CDC23: variants seen among roughly 807,000 people sequenced by gnomAD.
CDC23 encodes the protein cell division cycle 23.
A neutral mutation model predicts 81.7 loss-of-function variants in CDC23; 26 were observed. That is an observed-to-expected ratio of 0.32 (90% CI 0.23 to 0.44). CDC23 has a LOEUF of 0.44. Ranked by LOEUF, CDC23 falls within the 20% of genes least tolerant of loss-of-function variation. The probability of loss-of-function intolerance (pLI) is 1.00; values close to 1 mark genes in which losing one functional copy is unlikely to be tolerated. For synonymous variants in CDC23, 267 were observed against 270.8 expected (o/e 0.99, Z 0.14); for missense variants, 519 against 728.0 (o/e 0.71, Z 3.30).
At chr5:138,196,005 A>G (rs989276560) in intron 9 of CDC23, among the ~76,000 whole-genome samples, 24 of 150,744 alleles carry the variant, frequency 1.6e-4, no homozygotes, top group Non-Finnish European at 3.4e-4. Flanking sequence ...TCAGGTCCTC[A>G]GTTTCCTTTT....
rs1231498178 is a variant in CDC23 at position 138,198,636 on chromosome 5, G to A, written c.801C>T (p.Ser267=). 4.3e-6 allele frequency: 7 copies of A among 1,614,074 alleles called. No homozygotes were observed. The highest frequency in any genetic ancestry group is 5.9e-6 in the Non-Finnish European group (7 of 1,180,008). Residue 267 remains serine, a synonymous_variant, in exon 7 of 16, where the codon TCC becomes TCT. Transcript: ENST00000394886. The part of the protein sequence containing the change: ...VGFSKSSYIV[S]QIAVAYHNIR... Reference sequence around the variant, plus strand: ...TATTGTGATAGGCAACTGCAATTTGGGAAACAATATACGAGCTCTTAGAGA... The same window carrying A: ...TATTGTGATAGGCAACTGCAATTTGAGAAACAATATACGAGCTCTTAGAGA...
At chr5:138,209,363 G>A (rs1755087636) in intron 2 of CDC23, among the ~76,000 whole-genome samples, 1 of 151,682 alleles carries the variant, frequency 6.6e-6, no homozygotes, top group Admixed American at 6.6e-5. Flanking sequence ...GGGAGGTGGA[G>A]GTTGCAGTAA....
At chr5:138,193,992 C>A (rs1443530056) in intron 9 of CDC23, among the ~76,000 whole-genome samples, 1 of 151,828 alleles carries the variant, frequency 6.6e-6, no homozygotes, top group Non-Finnish European at 1.5e-5. Context: ...TCTAAGTTTC[C>A]GTCTCACACA....
rs139756126 is a variant in CDC23 at position 138,209,149 on chromosome 5, A to G, written c.235-2465T>C. On this transcript the variant is annotated intron_variant, in intron 2 of 15. Coordinates refer to ENST00000394886, the MANE Select transcript of CDC23 (RefSeq NM_004661.4). The stretch of plus-strand genomic sequence containing the variant: ...TTCAGAAAAGCTAAGCTTCAGGGCC[A>G]GGTGTGGTGGCTCATGCCTGTAATC... Among the ~76,000 whole-genome samples, 560 of 148,780 alleles carry G rather than the reference A, an allele frequency of 3.8e-3. 3 individuals carry two copies. The highest frequency in any genetic ancestry group is 0.013 in the African/African-American group (533 of 40,872).
At chr5:138,201,275 C>T (rs1164353695) in intron 5 of CDC23, 36 bp from the exon 6 acceptor site, 1 of 1,613,726 alleles carries the variant, frequency 6.2e-7, no homozygotes, top group Admixed American at 1.7e-5. Context: ...GAAGTTAATG[C>T]TATTTAATAG....
chr5:138,195,891 A>G (rs1754899711), intron 9 of CDC23, among the ~76,000 whole-genome samples: 1 of 146,264 alleles, frequency 6.8e-6, no homozygotes, highest in Non-Finnish European at 1.5e-5. Context: ...ACTGACAGGT[A>G]CAGAAGGGAG....
At position 138,197,563 on chromosome 5, in the gene CDC23, C is replaced by T. The variant is rs976560891; in HGVS notation, c.1012+636G>A. 3.3e-4 allele frequency among the ~76,000 whole-genome samples: 49 copies of T among 147,606 alleles called. 2 individuals are homozygous for T. The highest frequency in any genetic ancestry group is 9.5e-4 in the African/African-American group (37 of 39,018). On this transcript the variant is annotated intron_variant, in intron 9 of 15. Coordinates refer to ENST00000394886, the MANE Select transcript of CDC23 (RefSeq NM_004661.4). ...CCAGGCTGGAGTGTAGTGGCACGAT[C>T]TTGGCTCACTGCAACCTCCACCTCC...
chr5:138,212,381 C>T (rs376841003), intron 2 of CDC23, among the ~76,000 whole-genome samples: 2 of 152,164 alleles, frequency 1.3e-5, no homozygotes, highest in South Asian at 2.1e-4. Context: ...TGCAATGGCG[C>T]GATCTCAGCT....
intron 9 of CDC23, among the ~76,000 whole-genome samples, chr5:138,196,461 T>A (rs976529683): frequency 6.6e-5 from 10 of 150,480 alleles, no homozygotes; most frequent in Non-Finnish European, 1.5e-4. Context: ...TAGCTAATTT[T>A]TGTATTTTTA....
intron 6 of CDC23, 75 bp downstream of exon 6, chr5:138,201,032 C>A: frequency 1.3e-6 from 2 of 1,528,216 alleles, no homozygotes; most frequent in Non-Finnish European, 1.8e-6. Flanking sequence ...CCAAAACTTT[C>A]CCCACCCCTA....
chr5:138,198,224 A>G lies in CDC23; in HGVS notation c.987T>C (p.Tyr329=), dbSNP rs1056698. ...LAHNLCEIDK[Y]RVETCCVIGN... ...CAATTACACAGCACGTTTCTACACGATATTTATCAATCTCACAGAGGTTAT... is the reference window on the plus strand; with the variant it reads ...CAATTACACAGCACGTTTCTACACGGTATTTATCAATCTCACAGAGGTTAT... Residue 329 remains tyrosine, a synonymous_variant, in exon 9 of 16, where the codon TAT becomes TAC. Transcript: ENST00000394886. 7.5e-4 allele frequency: 1,207 copies of G among 1,613,244 alleles called. 8 individuals are homozygous for G. The African/African-American group carries it at 0.013, about 17-fold the overall frequency.
At chr5:138,207,083 T>C (rs1019824269) in intron 2 of CDC23, among the ~76,000 whole-genome samples, 6 of 152,180 alleles carry the variant, frequency 3.9e-5, no homozygotes, top group African/African-American at 1.4e-4. Flanking sequence ...TTTCGCCATG[T>C]TGGCCAGGCT....
At chr5:138,206,173 T>C (rs1358713874) in intron 3 of CDC23, 1 of 303,234 alleles carries the variant, frequency 3.3e-6, no homozygotes, top group Non-Finnish European at 6.0e-6. Flanking sequence ...TCATACTTTT[T>C]AATAGCCATG....
chr5:138,202,044 G>T, intron 4 of CDC23, 69 bp downstream of exon 4: 1 of 1,064,710 alleles, frequency 9.4e-7, no homozygotes, highest in Non-Finnish European at 1.4e-6. Flanking sequence ...TTACCTGCCT[G>T]GCTGTTGGAG....
chr5:138,212,158 T>G (rs899847273), intron 2 of CDC23, among the ~76,000 whole-genome samples: 1 of 152,060 alleles, frequency 6.6e-6, no homozygotes, highest in Non-Finnish European at 1.5e-5. Flanking sequence ...CCCCATTGAG[T>G]AGATACTATT....
At position 138,188,795 on chromosome 5, in the gene CDC23, T is replaced by C. The variant is rs1297443715; in HGVS notation, c.*183A>G. 4.0e-6 allele frequency: 2 copies of C among 503,304 alleles called. No individual in the cohort carries two copies. The highest frequency in any genetic ancestry group is 6.6e-5 in the East Asian group (2 of 30,310). The allele number at this position is 503,304 out of a possible 1,614,324, so 31.2% of individuals were successfully genotyped here. On this transcript the variant is annotated 3_prime_UTR_variant, in exon 16 of 16. Coordinates refer to ENST00000394886, the MANE Select transcript of CDC23 (RefSeq NM_004661.4). ...TACTTCTAACTGGCAAGATAATGTC[T>C]GTTCCTGCCAGGATTCTGTCAGTTG...
chr5:138,213,010 G>A lies in CDC23; in HGVS notation c.215C>T (p.Pro72Leu), dbSNP rs750902813. The change falls in exon 2 of 16, where the codon CCG becomes CTG. Residue 72 changes from proline (P) to leucine (L), a missense_variant. By Grantham distance (98) the Pro-to-Leu change is moderately conservative. Coordinates refer to ENST00000394886, the MANE Select transcript of CDC23 (RefSeq NM_004661.4). ...CCTTACCTCTGTAATAGGCGGAGGC[G>A]GTTGCAGCTCGGCCAGAGGCAATGC... ...LPALPLAELQ[P>L]PPPITEEDAQ... The A allele has an allele frequency of 2.2e-5, 35 of 1,613,636 alleles. No individual in the cohort carries two copies. The highest frequency in any genetic ancestry group is 2.8e-5 in the Non-Finnish European group (33 of 1,179,850).
chr5:138,195,970 C>G (rs1341545791), intron 9 of CDC23, among the ~76,000 whole-genome samples: 1 of 150,662 alleles, frequency 6.6e-6, no homozygotes, highest in Non-Finnish European at 1.5e-5. Flanking sequence ...TGCCATCACT[C>G]TACTCTTAAG....
chr5:138,195,586 A>G (rs1339652443), intron 9 of CDC23, among the ~76,000 whole-genome samples: 1 of 58,984 alleles, frequency 1.7e-5, no homozygotes. Flanking sequence ...AATATATTAT[A>G]TATAATATAT....
Sources: allele counts gnomAD v4.1 joint callset (sites outside exome capture counted in the v4.1 genomes callset), GRCh38; gene constraint gnomAD v4.1.1; transcripts MANE v1.5; gene names NCBI Gene and HGNC (gene_info 2026-07-23, HGNC 2026-07-21).